LRGUK: variants seen among roughly 807,000 people sequenced by gnomAD.
LRGUK encodes the protein leucine rich repeats and guanylate kinase domain containing.
In LRGUK, 65 loss-of-function variants were observed where a neutral mutation model predicts 76.0. That is an observed-to-expected ratio of 0.85 (90% CI 0.70 to 1.05). The LOEUF is 1.05. Ranked by LOEUF, LRGUK falls within the 50% of genes least tolerant of loss-of-function variation. LRGUK has a pLI of 0.00. For synonymous variants in LRGUK, 268 were observed against 265.6 expected (o/e 1.01, Z -0.09); for missense variants, 758 against 732.8 (o/e 1.03, Z -0.40).
chr7:134,139,156 G>A (rs1440585905), intron 2 of LRGUK, among the ~76,000 whole-genome samples: 2 of 151,994 alleles, frequency 1.3e-5, no homozygotes, highest in Admixed American at 6.5e-5. Context: ...CTGTTCTAAC[G>A]GTCTCCATGA....
intron 12 of LRGUK, among the ~76,000 whole-genome samples, chr7:134,193,297 GA>G (rs1800336761): frequency 6.6e-6 from 1 of 152,186 alleles, no homozygotes; most frequent in African/African-American, 2.4e-5. Context: ...AAGTTATCTT[GA>G]TATTAGTAAG....
chr7:134,258,872 T>G (rs1802651562), intron 19 of LRGUK, among the ~76,000 whole-genome samples: 1 of 152,162 alleles, frequency 6.6e-6, no homozygotes, highest in African/African-American at 2.4e-5. Flanking sequence ...TGTTGCCCAT[T>G]GTTATAGGTG....
At chr7:134,270,973 C>G in the LRGUK span, among the ~76,000 whole-genome samples, 1 of 152,092 alleles carries the variant, frequency 6.6e-6, no homozygotes, top group Non-Finnish European at 1.5e-5. Context: ...CAGCAAGTGG[C>G]ATTAATAGTC....
chr7:134,253,418 A>G (rs905468982), intron 18 of LRGUK, among the ~76,000 whole-genome samples: 2 of 152,252 alleles, frequency 1.3e-5, no homozygotes, highest in Non-Finnish European at 2.9e-5. Context: ...GACAGATGGA[A>G]GAACTGAGAA....
chr7:134,140,520 G>T (rs908734711), intron 3 of LRGUK, among the ~76,000 whole-genome samples: 1 of 152,052 alleles, frequency 6.6e-6, no homozygotes, highest in Non-Finnish European at 1.5e-5. Context: ...GATCTTATTT[G>T]AAGTTGACAG....
At chr7:134,181,399 T>A (rs1246750064) in intron 10 of LRGUK, among the ~76,000 whole-genome samples, 1 of 152,154 alleles carries the variant, frequency 6.6e-6, no homozygotes, top group Non-Finnish European at 1.5e-5. Context: ...TGTGCTTTTT[T>A]TTTTTCTAAT....
downstream of LRGUK, among the ~76,000 whole-genome samples, chr7:134,214,428 C>G (rs1179899802): frequency 6.6e-6 from 1 of 152,152 alleles, no homozygotes; most frequent in Non-Finnish European, 1.5e-5. Flanking sequence ...TCATAAGGAA[C>G]TCACTTATGG....
chr7:134,202,685 G>A (rs550692449), intron 15 of LRGUK, among the ~76,000 whole-genome samples: 3 of 152,314 alleles, frequency 2.0e-5, no homozygotes, highest in African/African-American at 7.2e-5. Flanking sequence ...AATGAAATGA[G>A]CCAGTCACAA....
intron 10 of LRGUK, among the ~76,000 whole-genome samples, chr7:134,182,811 G>C (rs1799812085): frequency 2.0e-5 from 3 of 152,142 alleles, no homozygotes; most frequent in Admixed American, 1.3e-4. Flanking sequence ...GCCCAGACTG[G>C]AGTACAATGG....
At chr7:134,134,869 A>T (rs1797460497) in intron 1 of LRGUK, among the ~76,000 whole-genome samples, 1 of 152,222 alleles carries the variant, frequency 6.6e-6, no homozygotes, top group African/African-American at 2.4e-5. Context: ...AGAAATCGTC[A>T]TCTATTGGGA....
chr7:134,199,205 C>T lies in LRGUK; in HGVS notation c.1546-15C>T, dbSNP rs1179464417. 1 of 1,607,122 alleles carries T rather than the reference C, an allele frequency of 6.2e-7. No individual in the cohort carries two copies. The highest frequency in any genetic ancestry group is 8.5e-7 in the Non-Finnish European group (1 of 1,174,666). Reference sequence around the variant, plus strand: ...GTATCTGTTTCCAATTTATTATCTTCCTTTTAATGCACAGGGTGTAAGAAG... The same window carrying T: ...GTATCTGTTTCCAATTTATTATCTTTCTTTTAATGCACAGGGTGTAAGAAG... On this transcript the variant is annotated splice_polypyrimidine_tract_variant and intron_variant, in intron 13 of 15. Transcript: ENST00000645682.
the LRGUK span, among the ~76,000 whole-genome samples, chr7:134,273,375 G>A: frequency 2.0e-5 from 3 of 152,130 alleles, no homozygotes; most frequent in Non-Finnish European, 4.4e-5. Flanking sequence ...GGTCCCTGAG[G>A]TTATGCCTCT....
intron 4 of LRGUK, 26 bp downstream of exon 4, chr7:134,143,188 C>T (rs754804758): frequency 1.4e-5 from 18 of 1,313,894 alleles, no homozygotes; most frequent in Non-Finnish European, 1.9e-5. Flanking sequence ...ACCTTAATTA[C>T]ACATTAAGGG....
intron 1 of LRGUK, among the ~76,000 whole-genome samples, chr7:134,127,922 C>T (rs1797088613): frequency 6.6e-6 from 1 of 151,926 alleles, no homozygotes; most frequent in African/African-American, 2.4e-5. Context: ...CGAGTTAACA[C>T]AGCGTCACTT....
intron 9 of LRGUK, among the ~76,000 whole-genome samples, chr7:134,177,686 G>A (rs1799539233): frequency 6.6e-6 from 1 of 152,128 alleles, no homozygotes; most frequent in South Asian, 2.1e-4. Flanking sequence ...TACACTGGAT[G>A]CAAATTTGAG....
chr7:134,145,889 G>A (rs1797949375), intron 4 of LRGUK, among the ~76,000 whole-genome samples: 1 of 152,198 alleles, frequency 6.6e-6, no homozygotes, highest in African/African-American at 2.4e-5. Flanking sequence ...CTTACTAGGT[G>A]AAAAATGTTA....
At chr7:134,224,389 G>A (rs1222370114) in intron 16 of LRGUK, among the ~76,000 whole-genome samples, 1 of 152,168 alleles carries the variant, frequency 6.6e-6, no homozygotes, top group Non-Finnish European at 1.5e-5. Context: ...TTATTTAAAC[G>A]TGTTTAGGGA....
At chr7:134,209,922 T>G (rs1801179041) in exon 16 of LRGUK, 1 of 399,116 alleles carries the variant, frequency 2.5e-6, no homozygotes, top group African/African-American at 2.1e-5. Context: ...CCTGCTCCTC[T>G]TCCGGAGCCA....
chr7:134,139,086 A>G (rs183741383), intron 2 of LRGUK, among the ~76,000 whole-genome samples: 451 of 152,174 alleles, frequency 3.0e-3, no homozygotes, highest in African/African-American at 0.01. Context: ...TTTTTCTTCT[A>G]CTAGGTAAAG....
Sources: allele counts gnomAD v4.1 joint callset (sites outside exome capture counted in the v4.1 genomes callset), GRCh38; gene constraint gnomAD v4.1.1; transcripts MANE v1.5; gene names NCBI Gene and HGNC (gene_info 2026-07-23, HGNC 2026-07-21).